The following PCDH11Y variants were observed in gnomAD, a reference collection of about 807,000 sequenced individuals.
PCDH11Y encodes the protein protocadherin 11 Y-linked.
For synonymous variants in PCDH11Y, 9 were observed against 83.6 expected (o/e 0.11, Z 4.87); for missense variants, 12 against 224.8 (o/e 0.05, Z 6.05).
At chrY:5,594,639 G>C in intron 4 of PCDH11Y, among the ~76,000 whole-genome samples, 2 of 32,245 alleles carry the variant, frequency 6.2e-5, no homozygotes, top group African/African-American at 2.4e-4. Context: ...CTCTGCTGGA[G>C]CTCTCTGCCA....
intron 1 of PCDH11Y, chrY:5,019,371 A>T: frequency 6.2e-5 from 2 of 32,097 alleles, no homozygotes; most frequent in Admixed American, 5.7e-4. Flanking sequence ...CAGGAGTTCG[A>T]GACCAACCAG....
intron 2 of PCDH11Y, among the ~76,000 whole-genome samples, chrY:5,171,444 A>G (rs2052886551): frequency 2.9e-5 from 1 of 33,951 alleles, no homozygotes; most frequent in African/African-American, 1.2e-4. Flanking sequence ...GAGGCATTCC[A>G]TGCTACCAAT....
chrY:5,205,715 C>T lies in PCDH11Y; in HGVS notation c.3129+105008C>T, dbSNP rs2124650375. Among the ~76,000 whole-genome samples, 9 of 27,217 alleles carry T rather than the reference C, an allele frequency of 3.3e-4. No individual in the cohort carries two copies. In the Admixed American group the frequency reaches 3.5e-3, roughly 11 times the overall value. The allele number at this position is 27,217 out of a possible 37,273, so 73.0% of individuals were successfully genotyped here. A position where few individuals can be genotyped will look rare whatever the true frequency, so the allele number is the denominator to read the frequency against. ...AGATTTGTTCTCATTCCTCAAGAAACTCACAGTACAGTGGCAGTCTTACAT... is the reference window on the plus strand; with the variant it reads ...AGATTTGTTCTCATTCCTCAAGAAATTCACAGTACAGTGGCAGTCTTACAT... On this transcript the variant is annotated intron_variant, in intron 2 of 4. Coordinates refer to the PCDH11Y transcript ENST00000400457.
At chrY:5,237,541 T>C in intron 2 of PCDH11Y, among the ~76,000 whole-genome samples, 1 of 32,625 alleles carries the variant, frequency 3.1e-5, no homozygotes, top group Non-Finnish European at 7.5e-5. Context: ...TCACCACTCC[T>C]ATTCAACATA....
chrY:5,343,811 G>C (rs2124669360), intron 2 of PCDH11Y, among the ~76,000 whole-genome samples: 1 of 30,426 alleles, frequency 3.3e-5, no homozygotes, highest in South Asian at 7.6e-4. Context: ...GCAGAGATGA[G>C]GTCTCATTAT....
At chrY:5,428,163 T>C in intron 2 of PCDH11Y, among the ~76,000 whole-genome samples, 1 of 32,743 alleles carries the variant, frequency 3.1e-5, no homozygotes. Flanking sequence ...GAGTGATGAA[T>C]GAATGTGAAG....
chrY:5,239,533 C>G (rs2052986018), intron 2 of PCDH11Y, among the ~76,000 whole-genome samples: 1 of 31,896 alleles, frequency 3.1e-5, no homozygotes, highest in Non-Finnish European at 7.6e-5. Context: ...ATGGAACAAA[C>G]CTGCATGTTG....
intron 2 of PCDH11Y, among the ~76,000 whole-genome samples, chrY:5,399,321 C>T (rs2053229990): frequency 1.2e-3 from 37 of 31,551 alleles, no homozygotes; most frequent in Non-Finnish European, 1.5e-4. Flanking sequence ...AATGAAGACA[C>T]AAGCACAGAT....
chrY:5,533,530 A>C, intron 3 of PCDH11Y, among the ~76,000 whole-genome samples: 6 of 33,511 alleles, frequency 1.8e-4, no homozygotes, highest in Non-Finnish European at 4.4e-4. Context: ...ACTTTTTATT[A>C]GTTACAACAA....
chrY:5,008,178 T>C, intron 1 of PCDH11Y, among the ~76,000 whole-genome samples: 1 of 28,371 alleles, frequency 3.5e-5, no homozygotes, highest in African/African-American at 1.4e-4. Flanking sequence ...GTTTACTTAA[T>C]GTAGCAAATG....
chrY:5,173,331 A>G, intron 2 of PCDH11Y, among the ~76,000 whole-genome samples: 1 of 33,577 alleles, frequency 3.0e-5, no homozygotes, highest in Non-Finnish European at 7.5e-5. Flanking sequence ...AGTAAAAAAG[A>G]AATAAGCAAA....
chrY:5,351,295 A>AGTGTGT (rs756307805), intron 2 of PCDH11Y, among the ~76,000 whole-genome samples: 70 of 21,930 alleles, frequency 3.2e-3, no homozygotes, highest in African/African-American at 0.011. Context: ...ATATGTGGGG[A>AGTGTGT]GTGTGTGTGT....
chrY:5,413,489 T>C (rs2053250155), intron 2 of PCDH11Y, among the ~76,000 whole-genome samples: 2 of 33,531 alleles, frequency 6.0e-5, no homozygotes, highest in African/African-American at 1.2e-4. Context: ...TATCTTGTCA[T>C]GCTTTAAGGC....
At chrY:5,626,306 G>A in intron 4 of PCDH11Y, among the ~76,000 whole-genome samples, 1 of 31,199 alleles carries the variant, frequency 3.2e-5, no homozygotes, top group Admixed American at 3.0e-4. Flanking sequence ...TTTTCTTTGA[G>A]TCTAGCTAGT....
chrY:5,272,817 GA>G (rs1418318413), intron 2 of PCDH11Y, among the ~76,000 whole-genome samples: 46 of 24,433 alleles, frequency 1.9e-3, no homozygotes, highest in East Asian at 0.013. Context: ...CTTTTCTTTT[GA>G]AAAAAAAAAA....
At chrY:5,479,229 TG>T (rs2053323094) in intron 2 of PCDH11Y, among the ~76,000 whole-genome samples, 9 of 33,567 alleles carry the variant, frequency 2.7e-4, no homozygotes, top group Admixed American at 8.2e-4. Context: ...GCAGGCCTGG[TG>T]GTGACAAAAT....
intron 2 of PCDH11Y, among the ~76,000 whole-genome samples, chrY:5,360,653 GT>G: frequency 3.1e-5 from 1 of 32,778 alleles, no homozygotes; most frequent in Non-Finnish European, 7.4e-5. Context: ...AGTCTTATGT[GT>G]TCAAATTAAG....
chrY:5,306,982 G>A (rs2124663953), intron 2 of PCDH11Y, among the ~76,000 whole-genome samples: 1 of 32,518 alleles, frequency 3.1e-5, no homozygotes, highest in South Asian at 7.1e-4. Flanking sequence ...GAATGTCACC[G>A]AAATGAAGTG....
chrY:5,130,648 G>A, intron 2 of PCDH11Y, among the ~76,000 whole-genome samples: 3 of 32,772 alleles, frequency 9.2e-5, no homozygotes, highest in Non-Finnish European at 2.2e-4. Context: ...CTGGGAGGCC[G>A]AGGCAGGTGG....
Sources: allele counts gnomAD v4.1 joint callset (sites outside exome capture counted in the v4.1 genomes callset), GRCh38; gene constraint gnomAD v4.1.1; transcripts MANE v1.5; gene names NCBI Gene and HGNC (gene_info 2026-07-23, HGNC 2026-07-21).